CNTN5: variants seen among roughly 807,000 people sequenced by gnomAD.
The protein encoded by CNTN5 is contactin 5.
In CNTN5, 77 loss-of-function variants were observed where a neutral mutation model predicts 129.1. The ratio of observed to expected loss-of-function variants is 0.60; its 90% CI spans 0.50 to 0.72. The LOEUF is 0.72. CNTN5 is among the 30% of genes least tolerant of loss of function. CNTN5 has a pLI of 0.00. For missense variants in CNTN5, 1,478 were observed against 1,328.8 expected, an observed-to-expected ratio of 1.11 and a Z score of -1.75; for synonymous variants, 509 against 465.6, an observed-to-expected ratio of 1.09 and a Z score of -1.20.
At chr11:99,449,809 T>G (rs1944224768) in intron 2 of CNTN5, among the ~76,000 whole-genome samples, 1 of 152,198 alleles carries the variant, frequency 6.6e-6, no homozygotes, top group South Asian at 2.1e-4. Flanking sequence ...AAACCTCTAT[T>G]GGTCTACTGG....
Position 100,227,939 on chromosome 11 carries a change from A to G in CNTN5, c.2005+3127A>G, listed in dbSNP as rs142998961. On this transcript the variant is annotated intron_variant, in intron 16 of 24. Coordinates refer to ENST00000524871, the MANE Select transcript of CNTN5 (RefSeq NM_014361.4). ...TCCCAGACAATATCAGAAGTGATCA[A>G]ACACAAAGTAAAAGACTCTGGAGAA... Among the ~76,000 whole-genome samples, 1,043 of 152,304 alleles carry G rather than the reference A, an allele frequency of 6.8e-3. 5 individuals are homozygous for G. Among genetic ancestry groups the G allele is most frequent in the Non-Finnish European group, 0.012 (826 of 68,020 alleles).
chr11:99,258,266 A>G (rs1862469735), intron 1 of CNTN5, among the ~76,000 whole-genome samples: 1 of 151,850 alleles, frequency 6.6e-6, no homozygotes, highest in South Asian at 2.1e-4. Flanking sequence ...TAAGCCTAGT[A>G]CCCATTAGTT....
chr11:99,705,484 C>A (rs1954715245), intron 3 of CNTN5, among the ~76,000 whole-genome samples: 1 of 151,368 alleles, frequency 6.6e-6, no homozygotes, highest in African/African-American at 2.4e-5. Context: ...TACTCAAATT[C>A]TTACAGTATT....
At chr11:99,242,575 A>T (rs1222951365) in intron 1 of CNTN5, among the ~76,000 whole-genome samples, 2 of 152,016 alleles carry the variant, frequency 1.3e-5, no homozygotes, top group Non-Finnish European at 2.9e-5. Context: ...GATACAAAAG[A>T]TTCTGTCACA....
intron 1 of CNTN5, among the ~76,000 whole-genome samples, chr11:99,142,678 A>T (rs1008689398): frequency 1.3e-5 from 2 of 152,028 alleles, no homozygotes; most frequent in East Asian, 1.9e-4. Flanking sequence ...CCCCTAAAGG[A>T]GCATGTTGAG....
At chr11:99,305,247 A>C (rs991975831) in intron 1 of CNTN5, among the ~76,000 whole-genome samples, 2 of 152,220 alleles carry the variant, frequency 1.3e-5, no homozygotes, top group East Asian at 3.8e-4. Flanking sequence ...AAAAGAATAC[A>C]TGAATAAATC....
intron 13 of CNTN5, among the ~76,000 whole-genome samples, chr11:100,095,870 G>A (rs1944992899): frequency 6.6e-6 from 1 of 152,002 alleles, no homozygotes; most frequent in Non-Finnish European, 1.5e-5. Flanking sequence ...ATTATTTTTA[G>A]CAAAGGGCTT....
intron 1 of CNTN5, among the ~76,000 whole-genome samples, chr11:99,166,077 T>A (rs1027114089): frequency 6.6e-6 from 1 of 152,166 alleles, no homozygotes; most frequent in East Asian, 1.9e-4. Context: ...GCCTGAACTA[T>A]ATTTGGTTCC....
At chr11:99,332,612 G>A (rs1239067258) in intron 2 of CNTN5, among the ~76,000 whole-genome samples, 2 of 151,860 alleles carry the variant, frequency 1.3e-5, no homozygotes, top group South Asian at 2.1e-4. Context: ...CTCTATTATG[G>A]TGTACAACAA....
chr11:99,024,810 T>G (rs1056525756), intron 1 of CNTN5, among the ~76,000 whole-genome samples: 1 of 152,002 alleles, frequency 6.6e-6, no homozygotes, highest in African/African-American at 2.4e-5. Context: ...AAAAAGAATC[T>G]CATTTTTAAT....
At chr11:100,013,090 A>C (rs967567570) in intron 9 of CNTN5, among the ~76,000 whole-genome samples, 1 of 152,176 alleles carries the variant, frequency 6.6e-6, no homozygotes, top group Admixed American at 6.6e-5. Context: ...CTCAGAAACA[A>C]AGAGAAATAC....
rs79304376 is a variant in CNTN5 at position 99,367,373 on chromosome 11, C to T, written c.-71+41889C>T. On this transcript the variant is annotated intron_variant, in intron 2 of 24. Coordinates refer to ENST00000524871, the MANE Select transcript of CNTN5 (RefSeq NM_014361.4). ...TTTTTTAAAGAAACATTAAAAGAAACCTCTGTAATTATAGCTTTGCCTGGC... is the reference window on the plus strand; with the variant it reads ...TTTTTTAAAGAAACATTAAAAGAAATCTCTGTAATTATAGCTTTGCCTGGC... Among the ~76,000 whole-genome samples, 291 of 151,754 alleles carry T rather than the reference C, an allele frequency of 1.9e-3. 11 individuals carry two copies. In the East Asian group the frequency reaches 0.046, roughly 24 times the overall value.
intron 21 of CNTN5, among the ~76,000 whole-genome samples, chr11:100,331,799 C>T (rs1314510899): frequency 2.0e-5 from 3 of 151,988 alleles, no homozygotes; most frequent in African/African-American, 7.2e-5. Flanking sequence ...ATAGTAGTGA[C>T]ACAACCTATC....
intron 13 of CNTN5, among the ~76,000 whole-genome samples, chr11:100,108,399 T>A (rs899658365): frequency 6.6e-6 from 1 of 152,000 alleles, no homozygotes; most frequent in Non-Finnish European, 1.5e-5. Flanking sequence ...GTGAGATGTA[T>A]GGTAGGAAAG....
chr11:99,899,214 T>C (rs1015071486), intron 6 of CNTN5, among the ~76,000 whole-genome samples: 1 of 152,084 alleles, frequency 6.6e-6, no homozygotes, highest in African/African-American at 2.4e-5. Flanking sequence ...GGATGCCTTT[T>C]ATTTCTTTCT....
At chr11:100,160,237 C>G (rs544064025) in intron 13 of CNTN5, among the ~76,000 whole-genome samples, 7 of 152,026 alleles carry the variant, frequency 4.6e-5, no homozygotes, top group African/African-American at 1.7e-4. Context: ...CATGTCCCTG[C>G]AAAGAACATG....
chr11:99,810,504 C>T (rs1236093639), intron 3 of CNTN5, among the ~76,000 whole-genome samples: 1 of 152,068 alleles, frequency 6.6e-6, no homozygotes, highest in East Asian at 1.9e-4. Context: ...GAAGCTACAA[C>T]ACTGTAAACT....
chr11:100,306,913 G>A (rs960907302), intron 20 of CNTN5, among the ~76,000 whole-genome samples: 1 of 151,724 alleles, frequency 6.6e-6, no homozygotes, highest in Non-Finnish European at 1.5e-5. Context: ...GTCAGCTTCT[G>A]TGTAAAAATT....
intron 1 of CNTN5, among the ~76,000 whole-genome samples, chr11:99,070,923 G>A (rs1865315889): frequency 6.6e-6 from 1 of 152,104 alleles, no homozygotes. Context: ...AACCTGGAAT[G>A]AACATGCAAA....
Sources: allele counts gnomAD v4.1 joint callset (sites outside exome capture counted in the v4.1 genomes callset), GRCh38; gene constraint gnomAD v4.1.1; transcripts MANE v1.5; gene names NCBI Gene and HGNC (gene_info 2026-07-23, HGNC 2026-07-21).